The following CACNA2D3 variants were observed in gnomAD, a reference collection of about 807,000 sequenced individuals.
The protein encoded by CACNA2D3 is voltage-dependent calcium channel subunit alpha-2/delta-3.
In CACNA2D3, 60 loss-of-function variants were observed where a neutral mutation model predicts 160.6. The observed-to-expected ratio is 0.37, with a 90% confidence interval of 0.30 to 0.46. The LOEUF is 0.46. Ranked by LOEUF, CACNA2D3 falls within the 20% of genes least tolerant of loss-of-function variation. CACNA2D3 has a pLI of 1.00. For synonymous variants in CACNA2D3, 558 were observed against 492.9 expected (o/e 1.13, Z -1.75); for missense variants, 1,205 against 1,365.0 (o/e 0.88, Z 1.85).
intron 2 of CACNA2D3, among the ~76,000 whole-genome samples, chr3:54,252,415 C>G (rs1244424538): frequency 2.0e-5 from 3 of 152,130 alleles, no homozygotes; most frequent in Non-Finnish European, 4.4e-5. Flanking sequence ...GGAAAATAGG[C>G]TGGTGTCTTA....
chr3:54,660,143 CTT>C (rs34482934), intron 11 of CACNA2D3, among the ~76,000 whole-genome samples: 1 of 142,776 alleles, frequency 7.0e-6, no homozygotes. Context: ...CTTTTGGTTT[CTT>C]TTTTTTTTTT....
intron 5 of CACNA2D3, among the ~76,000 whole-genome samples, chr3:54,550,349 C>T (rs1430468813): frequency 6.6e-6 from 1 of 152,176 alleles, no homozygotes; most frequent in Non-Finnish European, 1.5e-5. Flanking sequence ...CCCTCATCCT[C>T]CAGAAATAGC....
intron 13 of CACNA2D3, among the ~76,000 whole-genome samples, chr3:54,788,182 TG>T (rs1702677530): frequency 6.6e-6 from 1 of 152,244 alleles, no homozygotes; most frequent in Non-Finnish European, 1.5e-5. Context: ...CTGTCAGTCA[TG>T]ATATTACTGT....
intron 8 of CACNA2D3, among the ~76,000 whole-genome samples, chr3:54,576,859 C>T (rs1308054769): frequency 6.6e-6 from 1 of 152,030 alleles, no homozygotes; most frequent in East Asian, 1.9e-4. Context: ...CATAGGGAGA[C>T]CTTGTTGCTA....
At chr3:55,004,895 C>G in intron 32 of CACNA2D3, 57 bp downstream of exon 32, 1 of 1,215,148 alleles carries the variant, frequency 8.2e-7, no homozygotes, top group Non-Finnish European at 1.2e-6. Context: ...TTCTCCCTGT[C>G]TGAGTGTTAT....
chr3:54,530,827 G>A (rs1472280582), intron 5 of CACNA2D3, among the ~76,000 whole-genome samples: 2 of 152,112 alleles, frequency 1.3e-5, no homozygotes, highest in East Asian at 3.9e-4. Context: ...TGAACATCTG[G>A]GAGATTGTGC....
At chr3:54,377,357 C>G (rs776842442) in intron 3 of CACNA2D3, among the ~76,000 whole-genome samples, 4 of 152,220 alleles carry the variant, frequency 2.6e-5, no homozygotes, top group Non-Finnish European at 5.9e-5. Flanking sequence ...GCAGAATTAA[C>G]TTTCACATAA....
In CACNA2D3 at chr3:55,004,686, C is replaced by A; in HGVS notation, c.2691-77C>A. 3.3e-6 allele frequency: 3 copies of A among 916,460 alleles called. No homozygotes were observed. In the Admixed American group the frequency reaches 5.6e-5, roughly 17 times the overall value. 56.8% of individuals were successfully genotyped at this position (916,460 alleles called of 1,614,324 possible). Reference sequence around the variant, plus strand: ...GTTGCACTTGATGATAGTGACTGCTCACCTTGTAGTACATAGCATCAATTG... The same window carrying A: ...GTTGCACTTGATGATAGTGACTGCTAACCTTGTAGTACATAGCATCAATTG... On this transcript the variant is annotated intron_variant, in intron 31 of 37. Transcript: ENST00000474759.
Position 54,758,563 on chromosome 3 carries a change from A to T in CACNA2D3, c.1247-5655A>T, listed in dbSNP as rs1172611564. 2.0e-5 allele frequency among the ~76,000 whole-genome samples: 3 copies of T among 152,170 alleles called. No homozygotes were observed. In the East Asian group the frequency reaches 5.8e-4, roughly 29 times the overall value. On this transcript the variant is annotated intron_variant, in intron 12 of 37. Coordinates refer to ENST00000474759, the MANE Select transcript of CACNA2D3 (RefSeq NM_018398.3). ...TTATAAATTGTACCTTTTTCTATAG[A>T]AATAAGTGTTTTTTTCAGTAGTGTG...
At chr3:54,796,337 A>C (rs370531034) in intron 13 of CACNA2D3, among the ~76,000 whole-genome samples, 2 of 152,156 alleles carry the variant, frequency 1.3e-5, no homozygotes, top group East Asian at 3.9e-4. Flanking sequence ...TTCTGTGAGC[A>C]TGCATAGATC....
At chr3:54,780,035 C>T (rs564443124) in intron 13 of CACNA2D3, among the ~76,000 whole-genome samples, 1 of 152,302 alleles carries the variant, frequency 6.6e-6, no homozygotes, top group East Asian at 1.9e-4. Context: ...TTACTGTGCA[C>T]TACAGTTTGT....
chr3:54,678,171 T>A (rs1700277353), intron 11 of CACNA2D3, among the ~76,000 whole-genome samples: 1 of 152,200 alleles, frequency 6.6e-6, no homozygotes, highest in Admixed American at 6.5e-5. Context: ...GTTTGCCCTC[T>A]ATTTTAGACA....
intron 10 of CACNA2D3, among the ~76,000 whole-genome samples, chr3:54,628,767 A>G (rs1420102871): frequency 6.6e-6 from 1 of 152,192 alleles, no homozygotes; most frequent in African/African-American, 2.4e-5. Context: ...CAATCCACAG[A>G]TTAGCATCAG....
intron 2 of CACNA2D3, among the ~76,000 whole-genome samples, chr3:54,237,410 G>A (rs974643053): frequency 6.6e-6 from 1 of 152,050 alleles, no homozygotes; most frequent in African/African-American, 2.4e-5. Flanking sequence ...GGATGGCCCC[G>A]TTGCTCTTTA....
chr3:54,718,869 C>G (rs1701114093), intron 11 of CACNA2D3, among the ~76,000 whole-genome samples: 1 of 151,954 alleles, frequency 6.6e-6, no homozygotes, highest in Non-Finnish European at 1.5e-5. Context: ...TGTTGGAAGT[C>G]TTACACATTT....
At chr3:54,358,706 C>G (rs1426373170) in intron 3 of CACNA2D3, among the ~76,000 whole-genome samples, 1 of 152,298 alleles carries the variant, frequency 6.6e-6, no homozygotes, top group East Asian at 1.9e-4. Flanking sequence ...TTTGTAATTC[C>G]TATTATGGTA....
intron 11 of CACNA2D3, among the ~76,000 whole-genome samples, chr3:54,690,583 G>C (rs866854241): frequency 8.5e-5 from 13 of 152,082 alleles, no homozygotes; most frequent in Non-Finnish European, 1.6e-4. Context: ...TATCTGGCTA[G>C]TGGTATTTGT....
intron 4 of CACNA2D3, among the ~76,000 whole-genome samples, chr3:54,478,660 G>GTGTGTATATATATATA: frequency 2.7e-5 from 1 of 36,376 alleles, no homozygotes; most frequent in East Asian, 1.2e-3. Flanking sequence ...ATATGTGTGT[G>GTGTGTATATATATATA]TATATATATA....
intron 12 of CACNA2D3, among the ~76,000 whole-genome samples, chr3:54,754,119 A>G (rs78048437): frequency 0.015 from 2,317 of 152,342 alleles, 26 homozygotes; most frequent in Non-Finnish European, 0.025. Context: ...AGGTTAATTG[A>G]TTACCAATTC....
Sources: gnomAD v4.1 joint callset for allele counts (sites outside exome capture counted in the v4.1 genomes callset) on GRCh38, gnomAD v4.1.1 for gene constraint, MANE v1.5 for transcripts, NCBI Gene and HGNC (gene_info 2026-07-23, HGNC 2026-07-21) for gene names.